Variants in ADAMTSL1 observed in about 807,000 individuals in gnomAD.
ADAMTSL1 encodes the protein ADAMTS like 1.
A neutral mutation model predicts 201.8 loss-of-function variants in ADAMTSL1; 126 were observed. The observed-to-expected ratio is 0.62, with a 90% CI of 0.54 to 0.72. The LOEUF (loss-of-function observed/expected upper bound fraction) is 0.72. Among genes scored for constraint, ADAMTSL1 ranks in the 30% least tolerant of loss-of-function variants. The pLI is 0.00. For missense variants in ADAMTSL1, 2,679 were observed against 2,277.8 expected, an observed-to-expected ratio of 1.18 and a Z score of -3.59; for synonymous variants, 1,121 against 903.4, an observed-to-expected ratio of 1.24 and a Z score of -4.32.
intron 15 of ADAMTSL1, among the ~76,000 whole-genome samples, chr9:18,733,091 G>A (rs1028243618): frequency 6.6e-6 from 1 of 152,118 alleles, no homozygotes; most frequent in Non-Finnish European, 1.5e-5. Flanking sequence ...CTGTCCCTCT[G>A]TCACTGTGTT....
At chr9:17,917,468 CT>C (rs1826140792) in intron 1 of ADAMTSL1, among the ~76,000 whole-genome samples, 2 of 151,976 alleles carry the variant, frequency 1.3e-5, no homozygotes, top group Non-Finnish European at 2.9e-5. Context: ...AAGATTTTTC[CT>C]TTTTAGTTTA....
chr9:18,827,128 C>T (rs1323583446), intron 22 of ADAMTSL1, among the ~76,000 whole-genome samples: 2 of 151,352 alleles, frequency 1.3e-5, no homozygotes, highest in East Asian at 3.9e-4. Flanking sequence ...TGCTGTTCTT[C>T]CCCCACTGAG....
intron 2 of ADAMTSL1, among the ~76,000 whole-genome samples, chr9:18,183,926 T>C (rs1404061242): frequency 6.6e-6 from 1 of 152,144 alleles, no homozygotes. Flanking sequence ...TTAAATACCG[T>C]GACTAGGGAA....
At chr9:17,972,642 A>T (rs1218951272) in intron 1 of ADAMTSL1, among the ~76,000 whole-genome samples, 1 of 151,838 alleles carries the variant, frequency 6.6e-6, no homozygotes, top group Non-Finnish European at 1.5e-5. Flanking sequence ...ATGTGTCTTT[A>T]TAGGAGCATG....
At chr9:18,647,131 C>T (rs935046587) in intron 7 of ADAMTSL1, among the ~76,000 whole-genome samples, 17 of 73,970 alleles carry the variant, frequency 2.3e-4, no homozygotes, top group Admixed American at 3.1e-4. Context: ...GTGTATGTGT[C>T]GAGGAATTTA....
intron 1 of ADAMTSL1, among the ~76,000 whole-genome samples, chr9:17,930,642 A>G (rs1257306664): frequency 6.6e-6 from 1 of 152,198 alleles, no homozygotes; most frequent in Non-Finnish European, 1.5e-5. Flanking sequence ...AAGAATATAG[A>G]AACCCTAAAG....
At chr9:18,541,580 T>C (rs1564030755) in intron 3 of ADAMTSL1, among the ~76,000 whole-genome samples, 1 of 152,042 alleles carries the variant, frequency 6.6e-6, no homozygotes, top group Admixed American at 6.6e-5. Flanking sequence ...ATTTTTCACT[T>C]TTTCAATCCC....
At chr9:18,474,324 C>A (rs770158093) in intron 1 of ADAMTSL1, 29 bp downstream of exon 1, 70 of 1,609,548 alleles carry the variant, frequency 4.3e-5, no homozygotes, top group Non-Finnish European at 6.0e-5. Context: ...CAATGCATTG[C>A]TATTGCCATT....
intron 1 of ADAMTSL1, among the ~76,000 whole-genome samples, chr9:17,917,952 A>G (rs1480026418): frequency 9.9e-5 from 15 of 151,944 alleles, no homozygotes; most frequent in Non-Finnish European, 1.5e-5. Context: ...TCATTGGTGT[A>G]AAGTAGTTCA....
At chr9:18,389,648 T>TA (rs1837962671) in intron 2 of ADAMTSL1, among the ~76,000 whole-genome samples, 1 of 152,194 alleles carries the variant, frequency 6.6e-6, no homozygotes, top group Non-Finnish European at 1.5e-5. Context: ...ATGACAAGCC[T>TA]AAACATAAAA....
intron 15 of ADAMTSL1, among the ~76,000 whole-genome samples, chr9:18,746,970 TAAC>T (rs763926454): frequency 9.9e-5 from 15 of 152,182 alleles, no homozygotes; most frequent in Non-Finnish European, 1.5e-4. Context: ...TTTACTGAAA[TAAC>T]AACTGCAAGT....
At chr9:18,626,597 T>C (rs1302245553) in intron 5 of ADAMTSL1, among the ~76,000 whole-genome samples, 1 of 152,134 alleles carries the variant, frequency 6.6e-6, no homozygotes, top group East Asian at 1.9e-4. Flanking sequence ...ATTGTGGGGT[T>C]TTTTGTAAGT....
intron 2 of ADAMTSL1, among the ~76,000 whole-genome samples, chr9:18,415,513 T>A: frequency 6.6e-6 from 1 of 151,956 alleles, no homozygotes; most frequent in East Asian, 1.9e-4. Context: ...AATAGAGACA[T>A]AGAATTGCAA....
At chr9:18,585,426 G>A (rs1823419236) in intron 4 of ADAMTSL1, among the ~76,000 whole-genome samples, 1 of 151,998 alleles carries the variant, frequency 6.6e-6, no homozygotes, top group African/African-American at 2.4e-5. Flanking sequence ...GTGATGTATA[G>A]TTTTTTTAAT....
rs532550706 is a variant in ADAMTSL1, at chr9:18,176,681, C to T, written c.207+12700C>T. Among the ~76,000 whole-genome samples the T allele has an allele frequency of 3.9e-5, 6 of 152,216 alleles. No individual in the cohort carries two copies. The South Asian group carries it at 1.2e-3, about 32-fold the overall frequency. ...TTAACAACCATTTACTGAGCATCAA[C>T]TTTACTCAGCACCATAGTATAGGTA... On this transcript the variant is annotated intron_variant, in intron 2 of 29. Transcript: ENST00000680146.
At position 18,732,051 on chromosome 9, in the gene ADAMTSL1, A is replaced by G. The variant is rs550879186; in HGVS notation, c.2006+10386A>G. On this transcript the variant is annotated intron_variant, in intron 15 of 28. Coordinates refer to ENST00000380548, the MANE Select transcript of ADAMTSL1 (RefSeq NM_001040272.6). ...CTGTAAAACAAAGATAATTATCCCAACCACAGAGCAGGGTTGGTAAGGATG... is the reference window on the plus strand; with the variant it reads ...CTGTAAAACAAAGATAATTATCCCAGCCACAGAGCAGGGTTGGTAAGGATG... Among the ~76,000 whole-genome samples the G allele has an allele frequency of 3.9e-5, 6 of 152,334 alleles. No homozygotes were observed. In the South Asian group the frequency reaches 1.0e-3, roughly 26 times the overall value.
intron 1 of ADAMTSL1, among the ~76,000 whole-genome samples, chr9:17,998,252 A>G (rs1819463759): frequency 6.6e-6 from 1 of 152,090 alleles, no homozygotes; most frequent in Non-Finnish European, 1.5e-5. Context: ...TATTAATGGA[A>G]ACCAATGTCT....
intron 2 of ADAMTSL1, among the ~76,000 whole-genome samples, chr9:18,224,464 G>C (rs1428211433): frequency 6.6e-6 from 1 of 152,070 alleles, no homozygotes; most frequent in East Asian, 1.9e-4. Context: ...TTGCACTGGA[G>C]ATTACATTTC....
intron 15 of ADAMTSL1, among the ~76,000 whole-genome samples, chr9:18,751,809 G>A (rs1055566443): frequency 1.3e-5 from 2 of 152,120 alleles, no homozygotes; most frequent in Admixed American, 6.6e-5. Context: ...GCAAGGAAAG[G>A]GCAAAAGATA....
Sources: gnomAD v4.1 joint callset for allele counts (sites outside exome capture counted in the v4.1 genomes callset) on GRCh38, gnomAD v4.1.1 for gene constraint, MANE v1.5 for transcripts, NCBI Gene and HGNC (gene_info 2026-07-23, HGNC 2026-07-21) for gene names.